PALM2AKAP2: variants seen among roughly 807,000 people sequenced by gnomAD.
PALM2AKAP2 encodes PALM2 and AKAP2 fusion.
In PALM2AKAP2, 37 loss-of-function variants were observed where a neutral mutation model predicts 71.5. The ratio of observed to expected loss-of-function variants is 0.52; its 90% CI spans 0.40 to 0.68. The LOEUF is 0.68. Among genes scored for constraint, PALM2AKAP2 ranks in the 30% least tolerant of loss-of-function variants. PALM2AKAP2 has a pLI of 0.00. For missense variants in PALM2AKAP2, 1,224 were observed against 1,191.8 expected (o/e 1.03, Z -0.40); for synonymous variants, 468 against 478.8 (o/e 0.98, Z 0.29).
intron 1 of PALM2AKAP2, among the ~76,000 whole-genome samples, chr9:110,084,079 G>T (rs1339826719): frequency 6.6e-6 from 1 of 152,228 alleles, no homozygotes; most frequent in Non-Finnish European, 1.5e-5. Context: ...AGGTGGAGTT[G>T]ATAGAATATG....
Position 109,895,897 on chromosome 9 carries a change from G to C in PALM2AKAP2, c.257+15216G>C, listed in dbSNP as rs374349065. Among the ~76,000 whole-genome samples, 39 of 152,210 alleles carry C rather than the reference G, an allele frequency of 2.6e-4. No individual in the cohort carries two copies. The East Asian group carries it at 6.6e-3, about 26-fold the overall frequency. ...AGCAAGGAGAAGCGCTGAGCATAAGGGGGGAAAATCTCCTTGTGATTCATG... is the reference window on the plus strand; with the variant it reads ...AGCAAGGAGAAGCGCTGAGCATAAGCGGGGAAAATCTCCTTGTGATTCATG... On this transcript the variant is annotated intron_variant, in intron 3 of 9. Transcript: ENST00000302798.
chr9:109,741,198 A>G (rs1458775319), intron 1 of PALM2AKAP2, among the ~76,000 whole-genome samples: 1 of 152,116 alleles, frequency 6.6e-6, no homozygotes, highest in Non-Finnish European at 1.5e-5. Flanking sequence ...ACTATTCTGG[A>G]ACTTTGTAAA....
At chr9:109,648,548 G>C (rs1031093991) in intron 1 of PALM2AKAP2, among the ~76,000 whole-genome samples, 1 of 152,182 alleles carries the variant, frequency 6.6e-6, no homozygotes, top group Admixed American at 6.5e-5. Flanking sequence ...AAGCACATTA[G>C]GAGACTGGAG....
At chr9:110,064,886 C>G (rs769083986) in intron 1 of PALM2AKAP2, among the ~76,000 whole-genome samples, 27 of 152,168 alleles carry the variant, frequency 1.8e-4, no homozygotes, top group Non-Finnish European at 2.9e-4. Flanking sequence ...TCCACAGGAC[C>G]AGCCTATGAG....
At chr9:109,951,401 G>A (rs531582029) in intron 6 of PALM2AKAP2, among the ~76,000 whole-genome samples, 1 of 152,342 alleles carries the variant, frequency 6.6e-6, no homozygotes, top group East Asian at 1.9e-4. Flanking sequence ...AGCGACAGCT[G>A]ATGCTGTACT....
chr9:109,928,551 C>T (rs902310560), intron 5 of PALM2AKAP2, among the ~76,000 whole-genome samples: 1 of 152,140 alleles, frequency 6.6e-6, no homozygotes, highest in East Asian at 1.9e-4. Flanking sequence ...ACTCTTTGTG[C>T]TGGCCTATCA....
chr9:110,133,262 G>A (rs1316558843), intron 1 of PALM2AKAP2, among the ~76,000 whole-genome samples: 5 of 152,306 alleles, frequency 3.3e-5, no homozygotes, highest in Non-Finnish European at 5.9e-5. Flanking sequence ...AAATGGCTTT[G>A]GAGATAAGCC....
rs1223189976 is a variant in PALM2AKAP2 at position 109,691,813 on chromosome 9, A to G, written c.5+50947A>G. On this transcript the variant is annotated intron_variant, in intron 1 of 6. Transcript: ENST00000374531. ...GGGGAGAATTAACATCTTAATATCAATTTTCCAATCCAGAAAGACGATATA... is the reference window on the plus strand; with the variant it reads ...GGGGAGAATTAACATCTTAATATCAGTTTTCCAATCCAGAAAGACGATATA... 3.0e-5 allele frequency among the ~76,000 whole-genome samples: 4 copies of G among 132,654 alleles called. No individual in the cohort carries two copies. In the East Asian group the frequency reaches 8.6e-4, roughly 29 times the overall value. 87.0% of individuals were successfully genotyped at this position (132,654 alleles called of 152,430 possible).
At chr9:109,840,798 C>G (rs1828640106) in intron 1 of PALM2AKAP2, among the ~76,000 whole-genome samples, 1 of 152,168 alleles carries the variant, frequency 6.6e-6, no homozygotes, top group Non-Finnish European at 1.5e-5. Flanking sequence ...CAGAGAAATG[C>G]AGATCAAAAC....
chr9:109,724,944 A>G (rs1372777654), intron 1 of PALM2AKAP2, among the ~76,000 whole-genome samples: 37 of 152,232 alleles, frequency 2.4e-4, no homozygotes, highest in Admixed American at 2.4e-3. Context: ...AGCTAGGAAA[A>G]TATTTGCAAA....
At chr9:109,999,370 A>G (rs1478652339) in intron 6 of PALM2AKAP2, among the ~76,000 whole-genome samples, 1 of 151,884 alleles carries the variant, frequency 6.6e-6, no homozygotes, top group African/African-American at 2.4e-5. Flanking sequence ...AAATAAATAA[A>G]TAAAATAAAA....
chr9:109,732,421 G>A (rs1306624176), intron 1 of PALM2AKAP2, among the ~76,000 whole-genome samples: 2 of 152,186 alleles, frequency 1.3e-5, no homozygotes, highest in Non-Finnish European at 2.9e-5. Context: ...GTATCTTTGG[G>A]GGAAAATAGC....
Position 110,097,263 on chromosome 9 carries a change from T to C in PALM2AKAP2, c.157-38864T>C, listed in dbSNP as rs1314055868. 1.0e-4 allele frequency among the ~76,000 whole-genome samples: 15 copies of C among 149,424 alleles called. No homozygotes were observed. In the South Asian group the frequency reaches 3.2e-3, roughly 32 times the overall value. On this transcript the variant is annotated intron_variant, in intron 1 of 3. Coordinates refer to ENST00000374525, the Ensembl canonical transcript of PALM2AKAP2. The stretch of plus-strand genomic sequence containing the variant: ...AGCACATGTTTCAGAGAGCACAGGG[T>C]TGGGGGTAAGGTCACAGATCAACAG...
At chr9:110,139,982 C>G (rs1202243401) in intron 2 of PALM2AKAP2, among the ~76,000 whole-genome samples, 3 of 152,210 alleles carry the variant, frequency 2.0e-5, no homozygotes, top group Non-Finnish European at 4.4e-5. Context: ...GGTGTCAACT[C>G]TGATCACTTA....
At chr9:109,916,953 A>C (rs1012299460) in intron 3 of PALM2AKAP2, among the ~76,000 whole-genome samples, 1 of 152,240 alleles carries the variant, frequency 6.6e-6, no homozygotes, top group African/African-American at 2.4e-5. Context: ...GAACCTGTGA[A>C]TATGGTAGGT....
At chr9:110,092,163 A>G (rs146398108) in intron 1 of PALM2AKAP2, among the ~76,000 whole-genome samples, 102 of 152,216 alleles carry the variant, frequency 6.7e-4, no homozygotes, top group African/African-American at 2.3e-3. Flanking sequence ...GAAACTCCGT[A>G]TCTACTAAAA....
intron 1 of PALM2AKAP2, among the ~76,000 whole-genome samples, chr9:109,813,963 A>G (rs116500004): frequency 2.0e-5 from 3 of 152,174 alleles, no homozygotes; most frequent in African/African-American, 7.2e-5. Context: ...GCTGGTTCGC[A>G]TGTGCTCTTT....
intron 3 of PALM2AKAP2, among the ~76,000 whole-genome samples, chr9:109,892,460 G>T (rs1313874676): frequency 2.0e-5 from 3 of 152,106 alleles, no homozygotes; most frequent in African/African-American, 7.2e-5. Context: ...AGGTTCTGGG[G>T]GTTAGGGTGT....
intron 3 of PALM2AKAP2, among the ~76,000 whole-genome samples, chr9:109,906,009 G>A (rs934641391): frequency 7.2e-6 from 1 of 138,762 alleles, no homozygotes; most frequent in African/African-American, 2.5e-5. Context: ...GAGAAGAAAT[G>A]GTCAGTTTAC....
Sources: allele counts gnomAD v4.1 joint callset (sites outside exome capture counted in the v4.1 genomes callset), GRCh38; gene constraint gnomAD v4.1.1; transcripts MANE v1.5; gene names NCBI Gene and HGNC (gene_info 2026-07-23, HGNC 2026-07-21).